Variants in ZNF385B observed in about 807,000 individuals in gnomAD.
ZNF385B encodes zinc finger protein 385B, also known as zinc finger protein 533.
ZNF385B carries 23 observed loss-of-function variants against 39.2 expected under a neutral mutation model. The observed-to-expected ratio is 0.59, with a 90% CI of 0.42 to 0.83. The LOEUF (loss-of-function observed/expected upper bound fraction) is 0.83, where lower values mean the gene tolerates loss of function less well. Ranked by LOEUF, ZNF385B falls within the 40% of genes least tolerant of loss-of-function variation. The pLI is 0.00. For missense variants in ZNF385B, 552 were observed against 598.9 expected, an observed-to-expected ratio of 0.92 and a Z score of 0.82; for synonymous variants, 205 against 222.6, an observed-to-expected ratio of 0.92 and a Z score of 0.70.
chr2:179,660,172 C>T (rs540612984), intron 3 of ZNF385B: 15 of 152,542 alleles, frequency 9.8e-5, no homozygotes, highest in African/African-American at 3.6e-4. Flanking sequence ...AACCTGCCAC[C>T]GGTTTTATTG....
Position 179,769,638 on chromosome 2 carries a change from T to C in ZNF385B, c.163A>G (p.Asn55Asp), listed in dbSNP as rs1436183486. ...TGGGCTGCAGAGTTCAGCTGGATGT[T>C]GCACACCTCACAGAAGGAGAAAAGA... ...KILFSFCEVC[N>D]IQLNSAAQAQ... is the part of the protein sequence containing the mutation. The change falls in exon 3 of 10, where the codon AAC becomes GAC. Residue 55 changes from asparagine (N) to aspartate (D), a missense_variant. By Grantham distance (23) the Asn-to-Asp change is conservative (BLOSUM62 1). Coordinates refer to ENST00000410066, the MANE Select transcript of ZNF385B (RefSeq NM_152520.6). 1.2e-6 allele frequency: 2 copies of C among 1,614,066 alleles called. No individual in the cohort carries two copies. The highest frequency in any genetic ancestry group is 1.3e-5 in the African/African-American group (1 of 74,918).
chr2:179,759,168 CA>C (rs1703219752), intron 3 of ZNF385B, among the ~76,000 whole-genome samples: 1 of 152,066 alleles, frequency 6.6e-6, no homozygotes, highest in African/African-American at 2.4e-5. Flanking sequence ...AGCAGGATGT[CA>C]GTCACTAGCT....
intron 1 of ZNF385B, among the ~76,000 whole-genome samples, chr2:179,790,687 A>G (rs1264534019): frequency 6.6e-6 from 1 of 152,092 alleles, no homozygotes; most frequent in East Asian, 1.9e-4. Flanking sequence ...TCCACCACCT[A>G]ACAAATACTC....
intron 1 of ZNF385B, among the ~76,000 whole-genome samples, chr2:179,790,735 C>A (rs553299571): frequency 2.4e-4 from 36 of 152,272 alleles, no homozygotes; most frequent in African/African-American, 8.2e-4. Flanking sequence ...CTCTGTCAGT[C>A]ACTTGATAGT....
At chr2:179,746,767 T>C (rs899756468) in intron 3 of ZNF385B, among the ~76,000 whole-genome samples, 2 of 152,120 alleles carry the variant, frequency 1.3e-5, no homozygotes, top group Non-Finnish European at 2.9e-5. Context: ...CAAGAGCTAC[T>C]GGACATCGTC....
At chr2:179,592,333 CATAAGT>C (rs894046834) in intron 3 of ZNF385B, among the ~76,000 whole-genome samples, 27 of 152,254 alleles carry the variant, frequency 1.8e-4, no homozygotes, top group Admixed American at 1.2e-3. Context: ...TTTTATAACT[CATAAGT>C]ATAGCACTGA....
chr2:179,817,875 G>A (rs570440018), intron 1 of ZNF385B, among the ~76,000 whole-genome samples: 4 of 152,270 alleles, frequency 2.6e-5, no homozygotes, highest in Admixed American at 2.6e-4. Context: ...ATGCGCATAC[G>A]CAATTTTCCC....
intron 3 of ZNF385B, chr2:179,562,347 T>C: frequency 1.0e-6 from 1 of 961,062 alleles, no homozygotes; most frequent in Non-Finnish European, 1.2e-6. Flanking sequence ...TGTCACATAT[T>C]TCATAAGAAA....
chr2:179,839,447 A>T (rs57883199), intron 1 of ZNF385B, among the ~76,000 whole-genome samples: 6,961 of 152,324 alleles, frequency 0.046, 268 homozygotes, highest in African/African-American at 0.11. Context: ...TTTTAAACTT[A>T]ATATTCCATG....
At chr2:179,471,341 A>G (rs995025088) in intron 6 of ZNF385B, among the ~76,000 whole-genome samples, 1 of 152,224 alleles carries the variant, frequency 6.6e-6, no homozygotes, top group African/African-American at 2.4e-5. Flanking sequence ...ATAGAGAAAA[A>G]TAACTCATAA....
chr2:179,635,099 G>T, intron 3 of ZNF385B, among the ~76,000 whole-genome samples: 1 of 150,764 alleles, frequency 6.6e-6, no homozygotes, highest in Middle Eastern at 3.2e-3. Context: ...CTGAGATTGC[G>T]CCACTGCACT....
intron 3 of ZNF385B, among the ~76,000 whole-genome samples, chr2:179,613,719 T>C (rs775502910): frequency 8.5e-5 from 13 of 152,124 alleles, no homozygotes; most frequent in Admixed American, 1.3e-4. Flanking sequence ...CTGTCTGTGA[T>C]TGGGGGAGGG....
At chr2:179,698,565 T>C (rs1310154254) in intron 3 of ZNF385B, among the ~76,000 whole-genome samples, 1 of 152,192 alleles carries the variant, frequency 6.6e-6, no homozygotes, top group Non-Finnish European at 1.5e-5. Flanking sequence ...AATTGTGTAA[T>C]ATATTACCTA....
chr2:179,776,692 C>A (rs1211189112), intron 1 of ZNF385B, among the ~76,000 whole-genome samples: 1 of 151,980 alleles, frequency 6.6e-6, no homozygotes, highest in Non-Finnish European at 1.5e-5. Context: ...TGACCAACAA[C>A]AAGGAAGGCA....
chr2:179,655,632 C>T (rs568222360), intron 3 of ZNF385B, among the ~76,000 whole-genome samples: 19 of 151,696 alleles, frequency 1.3e-4, no homozygotes, highest in African/African-American at 4.6e-4. Flanking sequence ...AAATTGTGGA[C>T]CCTCCTTTTA....
chr2:179,768,974 T>A (rs1328972774), intron 3 of ZNF385B, among the ~76,000 whole-genome samples: 1 of 152,216 alleles, frequency 6.6e-6, no homozygotes, highest in African/African-American at 2.4e-5. Flanking sequence ...GCAATGCCTG[T>A]TCCTATTGTT....
At chr2:179,643,783 T>G (rs1554103) in intron 3 of ZNF385B, among the ~76,000 whole-genome samples, 110,073 of 151,900 alleles carry the variant, frequency 0.72, 40,197 homozygotes, top group African/African-American at 0.81. Context: ...CTGTTTGAAT[T>G]GTGACTGTGG....
chr2:179,566,055 T>C (rs1194624205), intron 3 of ZNF385B, among the ~76,000 whole-genome samples: 1 of 152,194 alleles, frequency 6.6e-6, no homozygotes, highest in African/African-American at 2.4e-5. Context: ...TTAATGAATG[T>C]GTTGAGTGAA....
At chr2:179,759,376 T>C (rs1575437388) in intron 3 of ZNF385B, among the ~76,000 whole-genome samples, 1 of 152,258 alleles carries the variant, frequency 6.6e-6, no homozygotes, top group East Asian at 1.9e-4. Flanking sequence ...ACAACTTAGC[T>C]CTGAATTCCA....
Sources: allele counts gnomAD v4.1 joint callset (sites outside exome capture counted in the v4.1 genomes callset), GRCh38; gene constraint gnomAD v4.1.1; transcripts MANE v1.5; gene names NCBI Gene and HGNC (gene_info 2026-07-23, HGNC 2026-07-21).